FLVCR2: variants seen among roughly 807,000 people sequenced by gnomAD.
FLVCR2 encodes choline/ethanolamine transporter FLVCR2.
Under a neutral mutation model 48.9 loss-of-function variants are expected in FLVCR2, and 38 were observed. That is an observed-to-expected ratio of 0.78 (90% CI 0.60 to 1.02). The LOEUF is 1.02. FLVCR2 is among the 50% of genes least tolerant of loss of function. FLVCR2 has a pLI of 0.00. For missense variants in FLVCR2, 664 were observed against 663.3 expected (o/e 1.00, Z -0.01); for synonymous variants, 255 against 257.0 (o/e 0.99, Z 0.07).
chr14:75,602,888 T>C (rs1047105425), intron 1 of FLVCR2, among the ~76,000 whole-genome samples: 7 of 152,202 alleles, frequency 4.6e-5, no homozygotes, highest in African/African-American at 1.7e-4. Flanking sequence ...TTTTGAGATG[T>C]TCCCTTCTAG....
Position 75,579,105 on chromosome 14 carries a change from G to C in FLVCR2, c.133G>C (p.Val45Leu), listed in dbSNP as rs1013248578. The change falls in exon 1 of 10, where the codon GTC (valine) becomes CTC (leucine). Residue 45 changes from valine to leucine, a missense_variant. Val to Leu is a conservative substitution (Grantham distance 32, BLOSUM62 1). Transcript: ENST00000238667. The part of the protein sequence containing the change: ...VHPSVSINPS[V>L]SVHPSSSAHP... ...TCCCAGCGTCTCCATCAACCCCAGC[G>C]TCTCTGTCCACCCCAGCAGTTCGGC... 1.2e-6 allele frequency: 2 copies of C among 1,613,960 alleles called. No homozygotes were observed. Among genetic ancestry groups the C allele is most frequent in the Middle Eastern group, 3.3e-4 (2 of 6,056 alleles).
chr14:75,639,009 G>A (rs911285412), intron 5 of FLVCR2, among the ~76,000 whole-genome samples: 2 of 152,170 alleles, frequency 1.3e-5, no homozygotes. Context: ...GAGGTCAGGA[G>A]TTCGATACCA....
rs573180101 is a variant in FLVCR2, at chr14:75,594,227, A to G, written c.669+14586A>G. On this transcript the variant is annotated intron_variant, in intron 1 of 9. Transcript: ENST00000238667. ...TCTATAACTGTCTATATTTCTACCA[A>G]CATTCTGATTAGGACCACCTAAGTA... 1.4e-4 allele frequency among the ~76,000 whole-genome samples: 21 copies of G among 150,122 alleles called. No homozygotes were observed. In the East Asian group the frequency reaches 2.7e-3, roughly 19 times the overall value.
At chr14:75,634,804 A>G (rs1032162752) in intron 4 of FLVCR2, 106 bp from the exon 5 acceptor site, 1 of 743,740 alleles carries the variant, frequency 1.3e-6, no homozygotes, top group Non-Finnish European at 2.4e-6. Context: ...ATTGACTCTG[A>G]TGGAGCTTGA....
chr14:75,645,039 T>G (rs201555716), intron 9 of FLVCR2, among the ~76,000 whole-genome samples: 4 of 9,772 alleles, frequency 4.1e-4, no homozygotes, highest in East Asian at 6.5e-3. Flanking sequence ...GCGTGGTGTG[T>G]GTGTGTGTGT....
chr14:75,602,167 A>G lies in FLVCR2; in HGVS notation c.670-19912A>G, dbSNP rs77265405. Among the ~76,000 whole-genome samples the G allele has an allele frequency of 1.8e-3, 280 of 152,358 alleles. 2 individuals are homozygous for G. Among genetic ancestry groups the G allele is most frequent in the African/African-American group, 6.3e-3 (263 of 41,592 alleles). On this transcript the variant is annotated intron_variant, in intron 1 of 9. Coordinates refer to ENST00000238667, the MANE Select transcript of FLVCR2 (RefSeq NM_017791.3). The stretch of plus-strand genomic sequence containing the variant: ...CAGCACCTGGATGTGCTCACCAACC[A>G]GAAGCTCTCTGAAACTCAACTGTTC...
At chr14:75,620,432 A>G (rs533486850) in intron 1 of FLVCR2, among the ~76,000 whole-genome samples, 1 of 152,354 alleles carries the variant, frequency 6.6e-6, no homozygotes, top group South Asian at 2.1e-4. Context: ...ACAGAGCTCA[A>G]TTAACCTCAC....
chr14:75,579,741 T>A (rs1250614050), intron 1 of FLVCR2, 100 bp downstream of exon 1: 2 of 1,327,798 alleles, frequency 1.5e-6, no homozygotes, highest in African/African-American at 2.9e-5. Flanking sequence ...CCAACAGTGT[T>A]TGTGACTCTG....
At chr14:75,636,375 C>T (rs1383565227) in intron 5 of FLVCR2, among the ~76,000 whole-genome samples, 5 of 152,188 alleles carry the variant, frequency 3.3e-5, no homozygotes, top group Non-Finnish European at 5.9e-5. Flanking sequence ...GCCATCTCAT[C>T]GCTGCCATCT....
intron 3 of FLVCR2, among the ~76,000 whole-genome samples, chr14:75,626,017 G>A (rs1029538003): frequency 2.6e-5 from 4 of 151,412 alleles, no homozygotes; most frequent in South Asian, 2.1e-4. Context: ...TTAAGACAGA[G>A]TTTGCCTCTT....
chr14:75,620,872 G>A (rs917305396), intron 1 of FLVCR2, among the ~76,000 whole-genome samples: 1 of 152,176 alleles, frequency 6.6e-6, no homozygotes, highest in African/African-American at 2.4e-5. Flanking sequence ...AGTGAGGAGC[G>A]AAAGCAAATT....
At chr14:75,629,811 T>G (rs541443461) in intron 3 of FLVCR2, among the ~76,000 whole-genome samples, 4 of 152,258 alleles carry the variant, frequency 2.6e-5, no homozygotes, top group Non-Finnish European at 4.4e-5. Context: ...GCAAGATTAT[T>G]CATGCTTCTG....
intron 9 of FLVCR2, among the ~76,000 whole-genome samples, chr14:75,643,443 C>G (rs1566798846): frequency 6.6e-6 from 1 of 152,166 alleles, no homozygotes; most frequent in Non-Finnish European, 1.5e-5. Flanking sequence ...GCTAGGCAGT[C>G]ATATGAGCGC....
intron 1 of FLVCR2, among the ~76,000 whole-genome samples, chr14:75,610,888 A>G (rs3784005): frequency 0.045 from 6,797 of 152,324 alleles, 268 homozygotes; most frequent in Admixed American, 0.11. Context: ...ACAATGCAGC[A>G]AACTGCTACT....
At chr14:75,642,753 T>C (rs1486926704) in intron 9 of FLVCR2, among the ~76,000 whole-genome samples, 2 of 152,250 alleles carry the variant, frequency 1.3e-5, no homozygotes, top group East Asian at 3.8e-4. Flanking sequence ...CCACTTATAA[T>C]ATATACGTGG....
intron 1 of FLVCR2, among the ~76,000 whole-genome samples, chr14:75,598,714 G>A (rs191659379): frequency 1.8e-3 from 268 of 152,304 alleles, no homozygotes; most frequent in Non-Finnish European, 3.3e-3. Context: ...GGCCTCAAGC[G>A]ATCCTGCTGC....
chr14:75,645,909 C>T (rs1161890695), intron 9 of FLVCR2, among the ~76,000 whole-genome samples: 5 of 105,938 alleles, frequency 4.7e-5, no homozygotes, highest in African/African-American at 1.9e-4. Flanking sequence ...CAAAGTGAGA[C>T]TCCATCTCAA....
At chr14:75,639,614 G>C (rs1890258831) in intron 6 of FLVCR2, 152 bp downstream of exon 6, 1 of 708,414 alleles carries the variant, frequency 1.4e-6, no homozygotes, top group African/African-American at 1.7e-5. Context: ...GGTAATACTT[G>C]TAGTACTTCC....
At position 75,622,180 on chromosome 14, in the gene FLVCR2, A is replaced by G. The variant is rs1388537582; in HGVS notation, c.771A>G (p.Ile257Met). The change falls in exon 2 of 10, where the codon ATA (isoleucine) becomes ATG (methionine). Residue 257 changes from isoleucine to methionine, a missense_variant. Coordinates refer to ENST00000238667, the MANE Select transcript of FLVCR2 (RefSeq NM_017791.3). The part of the protein sequence containing the change: ...AYHISIMFYI[I>M]GGVATLLLIL... Reference sequence around the variant, plus strand: ...ACATCAGCATCATGTTCTATATAATAGGAGGTGTGGCCACTCTCCTCCTCA... The same window carrying G: ...ACATCAGCATCATGTTCTATATAATGGGAGGTGTGGCCACTCTCCTCCTCA... 3 of 1,613,906 alleles carry G rather than the reference A, an allele frequency of 1.9e-6. No individual in the cohort carries two copies. The highest frequency in any genetic ancestry group is 2.5e-6 in the Non-Finnish European group (3 of 1,179,940).
Sources: gnomAD v4.1 joint callset for allele counts (sites outside exome capture counted in the v4.1 genomes callset) on GRCh38, gnomAD v4.1.1 for gene constraint, MANE v1.5 for transcripts, NCBI Gene and HGNC (gene_info 2026-07-23, HGNC 2026-07-21) for gene names.